AMPD2: variants seen among roughly 807,000 people sequenced by gnomAD.
AMPD2 encodes AMP deaminase 2.
Under a neutral mutation model 91.3 loss-of-function variants are expected in AMPD2, and 52 were observed. The observed-to-expected ratio is 0.57, with a 90% CI of 0.46 to 0.72. AMPD2 has a LOEUF of 0.72. Ranked by LOEUF, AMPD2 falls within the 30% of genes least tolerant of loss-of-function variation. The pLI is 0.00. For synonymous variants in AMPD2, 455 were observed against 456.4 expected (o/e 1.00, Z 0.04); for missense variants, 822 against 1,122.3 (o/e 0.73, Z 3.82).
In AMPD2 at chr1:109,621,201, G is replaced by A; in HGVS notation, c.26G>A (p.Gly9Asp). Residue 9 changes from glycine (G) to aspartate (D), a missense_variant, in exon 2 of 19, where the codon GGC becomes GAC. This residue lies in a region of AMPD2 where 105 missense variants were observed against 125.0 expected (regional missense o/e 0.84). Transcript: ENST00000528667. ...ATGGCATCCTATCCATCTGGCTCTG[G>A]CAAGCCCAAGGCCAAATATCCCTTT... MASYPSGS[G>D]KPKAKYPFKK... 6.2e-7 allele frequency: 1 copy of A among 1,608,538 alleles called. No homozygotes were observed. Among genetic ancestry groups the A allele is most frequent in the Non-Finnish European group, 8.5e-7 (1 of 1,177,406 alleles).
rs573579337 is a variant in AMPD2 at position 109,631,745 on chromosome 1, G to A, written c.*593G>A. ...AGGTGCTGGACCACATCTCCGCCAA[G>A]TCACTGCCCAGCAGCCTTCTCCGTC... On this transcript the variant is annotated 3_prime_UTR_variant, in exon 19 of 19. Coordinates refer to ENST00000528667, the MANE Select transcript of AMPD2 (RefSeq NM_001368809.2). The A allele has an allele frequency of 4.4e-5, 7 of 159,660 alleles. No homozygotes were observed. In the South Asian group the frequency reaches 1.2e-3, roughly 28 times the overall value. 9.9% of individuals were successfully genotyped at this position (159,660 alleles called of 1,614,324 possible).
rs776520772 is a variant in AMPD2, at chr1:109,620,225, G to A, written c.-316G>A. 4 of 1,614,092 alleles carry A rather than the reference G, an allele frequency of 2.5e-6. No individual in the cohort carries two copies. Among genetic ancestry groups the A allele is most frequent in the South Asian group, 1.1e-5 (1 of 91,088 alleles). The stretch of plus-strand genomic sequence containing the variant: ...TCCCTCAGGACCCGGGCTTTCTGCT[G>A]TACAGACTTCTCGTGGGCAGCCTCC... On this transcript the variant is annotated 5_prime_UTR_variant, in exon 1 of 19. Transcript: ENST00000528667.
rs373075998 is a variant in AMPD2 at position 109,629,930 on chromosome 1, C to T, written c.1983+14C>T. 6.3e-6 allele frequency: 10 copies of T among 1,585,588 alleles called. No individual in the cohort carries two copies. Among genetic ancestry groups the T allele is most frequent in the East Asian group, 2.2e-5 (1 of 44,528 alleles). On this transcript the variant is annotated intron_variant, in intron 16 of 18. Coordinates refer to ENST00000528667, the MANE Select transcript of AMPD2 (RefSeq NM_001368809.2). Reference sequence around the variant, plus strand: ...CTTCTGCGCAAGGTCAGGATCTGCACCCCTAGCCTTCCCTCCCAATTGTTC... The same window carrying T: ...CTTCTGCGCAAGGTCAGGATCTGCATCCCTAGCCTTCCCTCCCAATTGTTC...
intron 2 of AMPD2, among the ~76,000 whole-genome samples, chr1:109,622,654 C>T (rs541183762): frequency 4.8e-4 from 73 of 152,268 alleles, no homozygotes; most frequent in African/African-American, 1.6e-3. Flanking sequence ...AGTGAGCCTG[C>T]GGCAGCCCTG....
chr1:109,626,116 C>T (rs999158342), intron 4 of AMPD2, 44 bp from the exon 5 acceptor site: 13 of 1,607,040 alleles, frequency 8.1e-6, no homozygotes, highest in African/African-American at 1.3e-5. Flanking sequence ...GAGCAAGGGC[C>T]GTCCCTCGGG....
rs960521529 is a variant in AMPD2 at position 109,624,177 on chromosome 1, G to A, written c.92-1126G>A. ...TCCCTCTTCCCTTTGTCCAGCTTTG[G>A]GACCAGTCCTGGAGTATTGGGAAAT... On this transcript the variant is annotated intron_variant, in intron 2 of 18. Coordinates refer to ENST00000528667, the MANE Select transcript of AMPD2 (RefSeq NM_001368809.2). The surrounding 1 kb of genome is among the most constrained non-coding windows in gnomAD (Gnocchi z 5.2). 2.4e-5 allele frequency: 17 copies of A among 715,882 alleles called. 1 individual carries two copies. The Admixed American group carries it at 7.5e-4, about 32-fold the overall frequency. The allele number at this position is 715,882 out of a possible 1,614,324, so 44.3% of individuals were successfully genotyped here. A position where few individuals can be genotyped will look rare whatever the true frequency, so the allele number is the denominator to read the frequency against.
At position 109,628,738 on chromosome 1, in the gene AMPD2, G is replaced by A. The variant is rs1486617050; in HGVS notation, c.1503G>A (p.Ala501=). Residue 501 remains alanine (A), a synonymous_variant, in exon 13 of 19, where the codon GCG becomes GCA. Coordinates refer to ENST00000528667, the MANE Select transcript of AMPD2 (RefSeq NM_001368809.2). This position sits in a 1 kb window ranked among gnomAD's most constrained non-coding sequence, Gnocchi z 7.1. ...CGAGGGATGAGTGGGACAAGCTGGC[G>A]CGCTGGGCCGTCATGCACCGCGTGC... ...GRSRDEWDKL[A]RWAVMHRVHS... 6.2e-6 allele frequency: 10 copies of A among 1,605,252 alleles called. No homozygotes were observed. The highest frequency in any genetic ancestry group is 6.0e-6 in the Non-Finnish European group (7 of 1,175,548).
At chr1:109,620,493 G>A (rs1650151780) in intron 1 of AMPD2, 2 of 1,195,918 alleles carry the variant, frequency 1.7e-6, no homozygotes, top group Non-Finnish European at 1.1e-6. Context: ...CCAGACAAGG[G>A]GGTCTCCTGG....
chr1:109,626,512 TG>T, intron 6 of AMPD2, 85 bp downstream of exon 6: 1 of 1,400,890 alleles, frequency 7.1e-7, no homozygotes, highest in South Asian at 1.3e-5. Context: ...GGGTGGGGGC[TG>T]GAAAGGGCGT....
intron 16 of AMPD2, 23 bp from the exon 17 acceptor site, chr1:109,630,210 C>CAGG (rs1266699781): frequency 6.2e-7 from 1 of 1,609,300 alleles, no homozygotes; most frequent in Non-Finnish European, 8.5e-7. Flanking sequence ...CTGACAGGCC[C>CAGG]TCCCTCCCTG....
chr1:109,630,690 T>C lies in AMPD2; in HGVS notation c.2165T>C (p.Leu722Pro). The change falls in exon 18 of 19, where the codon CTG (leucine) becomes CCG (proline). Residue 722 changes from leucine (L) to proline (P), a missense_variant. Around this residue, in one of 5 missense-constraint regions of AMPD2, gnomAD observed 430 missense variants for 606.0 expected, o/e 0.71. Transcript: ENST00000528667. ...GGAACCTGGCCCGTGCAGGAGCCGC[T>C]GATGGAGGAGTACAGCATCGCCACC... Reference protein sequence around the residue: ...PLQFHFTKEPLMEEYSIATQV... With the variant: ...PLQFHFTKEPPMEEYSIATQV... 2 of 1,611,066 alleles carry C rather than the reference T, an allele frequency of 1.2e-6. No individual in the cohort carries two copies. Among genetic ancestry groups the C allele is most frequent in the South Asian group, 1.1e-5 (1 of 90,480 alleles).
chr1:109,623,863 A>G, intron 2 of AMPD2: 1 of 266,800 alleles, frequency 3.7e-6, no homozygotes, highest in Non-Finnish European at 5.8e-6. Context: ...GGCCCTCTTC[A>G]GTTCTGGAGT....
In AMPD2 at chr1:109,625,704, GC is replaced by G. The variant is rs1354156981; in HGVS notation, c.269del (p.Pro90ArgfsTer43). 1 of 1,614,154 alleles carries G rather than the reference GC, an allele frequency of 6.2e-7. No homozygotes were observed. Among genetic ancestry groups the G allele is most frequent in the East Asian group, 2.2e-5 (1 of 44,876 alleles). ...RSLAESELRS[A>X]PYEFPEESPI... is the part of the protein sequence containing the mutation. ...ACTGGCTGAGAGCGAGCTCCGTAGT[GC>G]CCCGTATGAGTTCCCCGAGGAGAGC... On this transcript the variant is annotated frameshift_variant, in exon 4 of 19. Transcript: ENST00000528667. LOFTEE classifies it high-confidence loss of function. This position sits in a 1 kb window ranked among gnomAD's most constrained non-coding sequence, Gnocchi z 4.0.
rs1165553310 is a variant in AMPD2, at chr1:109,626,760, G to C, written c.566G>C (p.Ser189Thr). 1 of 1,613,888 alleles carries C rather than the reference G, an allele frequency of 6.2e-7. No individual in the cohort carries two copies. The highest frequency in any genetic ancestry group is 8.5e-7 in the Non-Finnish European group (1 of 1,179,848). The part of the protein sequence containing the change: ...PFTDLLDAAK[S>T]VVRALFIREK... ...ACAGACCTGCTGGATGCAGCCAAGAGTGTGGTGCGGGCGCTCTTCATCCGG... is the reference window on the plus strand; with the variant it reads ...ACAGACCTGCTGGATGCAGCCAAGACTGTGGTGCGGGCGCTCTTCATCCGG... Residue 189 changes from serine (S) to threonine (T), a missense_variant, in exon 7 of 19, where the codon AGT (serine) becomes ACT (threonine). Transcript: ENST00000528667.
rs1025210705 is a variant in AMPD2 at position 109,621,101 on chromosome 1, G to T, written c.-75G>T. The T allele has an allele frequency of 1.2e-6, 2 of 1,606,740 alleles. No homozygotes were observed. Among genetic ancestry groups the T allele is most frequent in the African/African-American group, 2.7e-5 (2 of 74,654 alleles). On this transcript the variant is annotated 5_prime_UTR_variant, in exon 2 of 19. Transcript: ENST00000528667. ...CCCGCTGGGGGCGGGGCGGAGGAAG[G>T]GGTTGGATGTGGCAGAGCCAGGCCC...
At position 109,625,841 on chromosome 1, in the gene AMPD2, C is replaced by G; in HGVS notation, c.353+49C>G. 1 of 1,606,562 alleles carries G rather than the reference C, an allele frequency of 6.2e-7. No homozygotes were observed. The highest frequency in any genetic ancestry group is 1.7e-5 in the Admixed American group (1 of 59,680). ...AGTCTCCCTCCATACCCTTCCAGAC[C>G]CTTTCAGAGCCCCTTTTCTGCCTCT... On this transcript the variant is annotated intron_variant, in intron 4 of 18. Transcript: ENST00000528667. This position sits in a 1 kb window ranked among gnomAD's most constrained non-coding sequence, Gnocchi z 4.0.
chr1:109,626,634 G>C (rs190168259), intron 6 of AMPD2, 92 bp from the exon 7 acceptor site: 37 of 1,503,262 alleles, frequency 2.5e-5, no homozygotes, highest in Non-Finnish European at 9.0e-6. Context: ...GCCTGTGGGA[G>C]GTGGGGATAG....
At chr1:109,630,085 G>A in intron 16 of AMPD2, 148 bp from the exon 17 acceptor site, 3 of 1,339,366 alleles carry the variant, frequency 2.2e-6, no homozygotes, top group East Asian at 2.3e-5. Flanking sequence ...CCCCAACTTG[G>A]ATTTTGACTA....
rs568758779 is a variant in AMPD2 at position 109,620,165 on chromosome 1, A to T, written c.-376A>T. 64 of 1,519,652 alleles carry T rather than the reference A, an allele frequency of 4.2e-5. 1 individual carries two copies. The South Asian group carries it at 6.9e-4, about 16-fold the overall frequency. The allele number at this position is 1,519,652 out of a possible 1,614,324, so 94.1% of individuals were successfully genotyped here. On this transcript the variant is annotated 5_prime_UTR_variant, in exon 1 of 19. Transcript: ENST00000528667. ...TGCCAGGGCAGGGGCCCTTGGAGTG[A>T]CTTGGCTGGGGTCTGTGGCCCGATC...
Sources: gnomAD v4.1 joint callset for allele counts (sites outside exome capture counted in the v4.1 genomes callset) on GRCh38, gnomAD v4.1.1 for gene constraint, gnomAD v4.1.1 regional missense constraint, Gnocchi (gnomAD v3.1) non-coding constraint, MANE v1.5 for transcripts, NCBI Gene and HGNC (gene_info 2026-07-23, HGNC 2026-07-21) for gene names.